Variants in CSMD1 observed in about 807,000 individuals in gnomAD.
The protein encoded by CSMD1 is CUB and Sushi multiple domains 1, also known as CUB and sushi domain-containing protein 1.
CSMD1 carries 213 observed loss-of-function variants against 417.5 expected under a neutral mutation model. That is an observed-to-expected ratio of 0.51 (90% confidence interval 0.46 to 0.57). The LOEUF (loss-of-function observed/expected upper bound fraction) is 0.57. CSMD1 is among the 20% of genes least tolerant of loss of function. CSMD1 has a pLI of 0.00. For synonymous variants in CSMD1, 2,862 were observed against 1,736.8 expected (o/e 1.65, Z -16.11); for missense variants, 6,923 against 4,529.7 (o/e 1.53, Z -15.17).
In CSMD1 at chr8:4,737,646, G is replaced by C. The variant is rs1388284374; in HGVS notation, c.86-100088C>G. 2.0e-5 allele frequency among the ~76,000 whole-genome samples: 3 copies of C among 152,092 alleles called. No individual in the cohort carries two copies. In the East Asian group the frequency reaches 5.8e-4, roughly 29 times the overall value. On this transcript the variant is annotated intron_variant, in intron 1 of 69. Coordinates refer to ENST00000635120, the MANE Select transcript of CSMD1 (RefSeq NM_033225.6). ...TACACATTTTTTACCAAATGGTTGA[G>C]ATAAAAGAAAAAGAGACAGGTTGGA...
At chr8:3,013,069 C>T (rs146690362) in intron 52 of CSMD1, among the ~76,000 whole-genome samples, 339 of 152,280 alleles carry the variant, frequency 2.2e-3, no homozygotes, top group Non-Finnish European at 2.0e-3. Context: ...CCAGGTGGAA[C>T]TGTGAGTGCA....
At chr8:4,506,383 GT>G (rs140483603) in intron 2 of CSMD1, among the ~76,000 whole-genome samples, 8,889 of 152,158 alleles carry the variant, frequency 0.058, 273 homozygotes, top group Middle Eastern at 0.099. Context: ...CCCAAGTCTA[GT>G]GCAAAGGGGA....
At chr8:4,243,008 A>G (rs560128743) in intron 3 of CSMD1, among the ~76,000 whole-genome samples, 1 of 152,198 alleles carries the variant, frequency 6.6e-6, no homozygotes, top group Admixed American at 6.5e-5. Flanking sequence ...GTTAAAATGC[A>G]AAGGAAACAG....
At chr8:4,049,388 T>C (rs181425995) in intron 3 of CSMD1, among the ~76,000 whole-genome samples, 2 of 151,836 alleles carry the variant, frequency 1.3e-5, no homozygotes, top group Admixed American at 6.6e-5. Flanking sequence ...TCTGCAGACA[T>C]TGCCAAACGT....
chr8:3,846,773 T>C (rs569164826), intron 5 of CSMD1, among the ~76,000 whole-genome samples: 3 of 152,184 alleles, frequency 2.0e-5, no homozygotes, highest in Admixed American at 1.3e-4. Context: ...TCTCTGGTTC[T>C]AGCGATTCTC....
intron 7 of CSMD1, among the ~76,000 whole-genome samples, chr8:3,671,701 A>T (rs551624829): frequency 8.6e-5 from 13 of 151,082 alleles, no homozygotes; most frequent in South Asian, 2.1e-4. Context: ...GAGCCTCTTC[A>T]TCTTATTCGT....
intron 6 of CSMD1, among the ~76,000 whole-genome samples, chr8:3,724,518 T>A (rs372273255): frequency 6.6e-6 from 1 of 152,110 alleles, no homozygotes; most frequent in African/African-American, 2.4e-5. Context: ...TTTGGGATTT[T>A]CAACCATTTT....
chr8:4,397,859 A>G (rs905468292), intron 3 of CSMD1, among the ~76,000 whole-genome samples: 2 of 152,136 alleles, frequency 1.3e-5, no homozygotes, highest in East Asian at 1.9e-4. Context: ...ACATCTTTCT[A>G]ATTAAAACAA....
intron 1 of CSMD1, among the ~76,000 whole-genome samples, chr8:4,981,956 G>A (rs918834370): frequency 1.4e-4 from 21 of 152,106 alleles, no homozygotes; most frequent in Admixed American, 1.0e-3. Flanking sequence ...GGTGACAACC[G>A]TGTGTGGCCC....
intron 5 of CSMD1, among the ~76,000 whole-genome samples, chr8:3,821,931 G>C (rs1297886191): frequency 1.3e-5 from 2 of 152,186 alleles, no homozygotes; most frequent in African/African-American, 4.8e-5. Flanking sequence ...AGACAACATG[G>C]AGAGGTTTTC....
intron 3 of CSMD1, among the ~76,000 whole-genome samples, chr8:4,040,525 C>G (rs187755751): frequency 6.7e-4 from 102 of 152,232 alleles, no homozygotes; most frequent in African/African-American, 2.2e-3. Flanking sequence ...TGGCTAACAT[C>G]AGAAGAGGTG....
At chr8:3,998,549 A>T (rs1193202392) in intron 4 of CSMD1, among the ~76,000 whole-genome samples, 1 of 152,194 alleles carries the variant, frequency 6.6e-6, no homozygotes, top group African/African-American at 2.4e-5. Flanking sequence ...GGTTGTCTTA[A>T]ATTTATTTTC....
intron 9 of CSMD1, among the ~76,000 whole-genome samples, chr8:3,578,526 G>A (rs769961437): frequency 6.6e-5 from 10 of 152,164 alleles, no homozygotes; most frequent in Non-Finnish European, 1.2e-4. Flanking sequence ...TTGCTTTGTC[G>A]CCTATTGGGG....
At chr8:3,309,299 C>G (rs1348676627) in intron 23 of CSMD1, among the ~76,000 whole-genome samples, 2 of 151,832 alleles carry the variant, frequency 1.3e-5, no homozygotes, top group East Asian at 1.9e-4. Flanking sequence ...CTTCCAAACT[C>G]CAAGATGTCA....
At chr8:3,906,266 G>A (rs961256194) in intron 5 of CSMD1, among the ~76,000 whole-genome samples, 17 of 148,862 alleles carry the variant, frequency 1.1e-4, no homozygotes, top group Non-Finnish European at 2.1e-4. Flanking sequence ...AATGTGTGCT[G>A]CTTCAAATAA....
chr8:3,255,040 TG>T (rs1201036841), intron 26 of CSMD1, among the ~76,000 whole-genome samples: 5 of 152,300 alleles, frequency 3.3e-5, no homozygotes, highest in Non-Finnish European at 7.4e-5. Flanking sequence ...GATGTACAGA[TG>T]GGGTTTTGGT....
chr8:3,931,411 G>A (rs1810128470), intron 5 of CSMD1, among the ~76,000 whole-genome samples: 1 of 150,212 alleles, frequency 6.7e-6, no homozygotes, highest in Non-Finnish European at 1.5e-5. Flanking sequence ...CCCATTCTGG[G>A]TATTGTGGAA....
Position 3,108,514 on chromosome 8 carries a change from C to A in CSMD1, c.6754+89G>T. On this transcript the variant is annotated intron_variant, in intron 44 of 69. Coordinates refer to ENST00000635120, the MANE Select transcript of CSMD1 (RefSeq NM_033225.6). ...ACACGCCCTCGGCTGAATCAAGAAA[C>A]TTCAGCTGGAAACAAGGCGTGGGAC... is the stretch of plus-strand genomic sequence containing the variant. 7 of 1,373,600 alleles carry A rather than the reference C, an allele frequency of 5.1e-6. No individual in the cohort carries two copies. The South Asian group carries it at 9.7e-5, about 19-fold the overall frequency. The allele number at this position is 1,373,600 out of a possible 1,614,324, so 85.1% of individuals were successfully genotyped here.
intron 1 of CSMD1, among the ~76,000 whole-genome samples, chr8:4,884,364 C>G (rs563046276): frequency 6.6e-6 from 1 of 151,942 alleles, no homozygotes; most frequent in Non-Finnish European, 1.5e-5. Flanking sequence ...TGAGGTACAA[C>G]GTTTAGAGTT....
Sources: allele counts gnomAD v4.1 joint callset (sites outside exome capture counted in the v4.1 genomes callset), GRCh38; gene constraint gnomAD v4.1.1; transcripts MANE v1.5; gene names NCBI Gene and HGNC (gene_info 2026-07-23, HGNC 2026-07-21).